ABCA3: variants seen among roughly 807,000 people sequenced by gnomAD.
ABCA3 encodes the protein phospholipid-transporting ATPase ABCA3.
A neutral mutation model predicts 172.8 loss-of-function variants in ABCA3; 88 were observed. The ratio of observed to expected loss-of-function variants is 0.51; its 90% CI spans 0.43 to 0.61. The LOEUF is 0.61. ABCA3 is among the 20% of genes least tolerant of loss of function. ABCA3 has a pLI of 0.00. For synonymous variants in ABCA3, 1,066 were observed against 983.8 expected (o/e 1.08, Z -1.56); for missense variants, 2,164 against 2,301.0 (o/e 0.94, Z 1.22).
chr16:2,286,102 A>G lies in ABCA3; in HGVS notation c.3279-456T>C, dbSNP rs1338259406. 6.6e-6 allele frequency among the ~76,000 whole-genome samples: 1 copy of G among 152,216 alleles called. No homozygotes were observed. Among genetic ancestry groups the G allele is most frequent in the Non-Finnish European group, 1.5e-5 (1 of 68,032 alleles). ...TGGAGCCAGAAGCTGGGACGCAGCC[A>G]TCGCCAGGCCTAGGCCTAGCCTGGA... On this transcript the variant is annotated intron_variant, in intron 22 of 32. Coordinates refer to ENST00000301732, the MANE Select transcript of ABCA3 (RefSeq NM_001089.3). This position sits in a 1 kb window ranked among gnomAD's most constrained non-coding sequence, Gnocchi z 5.2.
Position 2,286,979 on chromosome 16 carries a change from T to C in ABCA3, c.3005-12A>G. ...CTCCTCCAGGTCACCTGGGGAGCAA[T>C]GGCAGAGTCAGGGGACACAGGAAGA... On this transcript the variant is annotated splice_polypyrimidine_tract_variant and intron_variant, in intron 21 of 32. Transcript: ENST00000301732. The surrounding 1 kb of genome is among the most constrained non-coding windows in gnomAD (Gnocchi z 5.2). 6.2e-7 allele frequency: 1 copy of C among 1,611,208 alleles called. No homozygotes were observed. The highest frequency in any genetic ancestry group is 8.5e-7 in the Non-Finnish European group (1 of 1,179,108).
rs141744909 is a variant in ABCA3 at position 2,281,215 on chromosome 16, C to G, written c.4171G>C (p.Glu1391Gln). Residue 1391 changes from glutamate to glutamine, a missense_variant, in exon 28 of 33, where the codon GAG (glutamate) becomes CAG (glutamine). Glu to Gln is a conservative substitution (Grantham distance 29). Around this residue, in one of 3 missense-constraint regions of ABCA3, gnomAD observed 795 missense variants for 881.9 expected, o/e 0.90. Transcript: ENST00000301732. This position sits in a 1 kb window ranked among gnomAD's most constrained non-coding sequence, Gnocchi z 4.7. The stretch of plus-strand genomic sequence containing the variant: ...ACGGCCAGGAGGGGCACCCGCTGCT[C>G]GTACACCTGCAGGCACCCAACAGAA... ...LIIKELSKVY[E>Q]QRVPLLAVDR... is the part of the protein sequence containing the mutation. 1 of 1,613,486 alleles carries G rather than the reference C, an allele frequency of 6.2e-7. No individual in the cohort carries two copies. Among genetic ancestry groups the G allele is most frequent in the Non-Finnish European group, 8.5e-7 (1 of 1,179,954 alleles).
intron 3 of ABCA3, among the ~76,000 whole-genome samples, chr16:2,326,766 T>C (rs2093735094): frequency 6.6e-6 from 1 of 152,062 alleles, no homozygotes; most frequent in Admixed American, 6.5e-5. Context: ...GGCAGGTGGA[T>C]CACTTGAAAT....
chr16:2,306,158 C>T (rs1428124385), intron 11 of ABCA3, among the ~76,000 whole-genome samples: 1 of 151,950 alleles, frequency 6.6e-6, no homozygotes, highest in African/African-American at 2.4e-5. Context: ...TTGAGACCAG[C>T]CTAGGCAACA....
intron 10 of ABCA3, among the ~76,000 whole-genome samples, chr16:2,313,149 T>C (rs563630224): frequency 6.6e-6 from 1 of 152,258 alleles, no homozygotes; most frequent in South Asian, 2.1e-4. Flanking sequence ...AAGTATGGCT[T>C]GGTGTCTTGA....
At position 2,276,245 on chromosome 16, in the gene ABCA3, C is replaced by T. The variant is rs1171876591; in HGVS notation, c.*429G>A. 6 of 454,060 alleles carry T rather than the reference C, an allele frequency of 1.3e-5. No homozygotes were observed. In the East Asian group the frequency reaches 4.2e-4, roughly 31 times the overall value. 28.1% of individuals were successfully genotyped at this position (454,060 alleles called of 1,614,324 possible). A position where few individuals can be genotyped will look rare whatever the true frequency, so the allele number is the denominator to read the frequency against. ...TCCTGGCGGCCTGGGGGCCTCGCTA[C>T]AGTTCAACCTGGCTGGCTTCCCGCT... On this transcript the variant is annotated 3_prime_UTR_variant, in exon 33 of 33. Coordinates refer to ENST00000301732, the MANE Select transcript of ABCA3 (RefSeq NM_001089.3).
intron 10 of ABCA3, among the ~76,000 whole-genome samples, chr16:2,310,555 C>A (rs528669611): frequency 6.7e-6 from 1 of 150,264 alleles, no homozygotes; most frequent in Admixed American, 6.6e-5. Flanking sequence ...CTCATACTAT[C>A]GCCCAGGATG....
At chr16:2,295,304 G>C (rs762277391) in intron 18 of ABCA3, among the ~76,000 whole-genome samples, 5 of 152,234 alleles carry the variant, frequency 3.3e-5, no homozygotes, top group East Asian at 3.9e-4. Context: ...GTGTCAGAAG[G>C]GGGAGTGTGA....
intron 5 of ABCA3, among the ~76,000 whole-genome samples, chr16:2,325,786 G>A (rs1001492409): frequency 3.9e-5 from 6 of 152,156 alleles, no homozygotes; most frequent in South Asian, 2.1e-4. Flanking sequence ...TGGTGCTATC[G>A]GACCCAAAGG....
intron 11 of ABCA3, among the ~76,000 whole-genome samples, chr16:2,304,500 C>CTTTTT (rs34874417): frequency 5.8e-4 from 49 of 84,036 alleles, no homozygotes; most frequent in Middle Eastern, 9.6e-3. Context: ...TAGCATAAGT[C>CTTTTT]TTTTTTTTTT....
At chr16:2,288,658 C>T (rs1287395223) in intron 20 of ABCA3, among the ~76,000 whole-genome samples, 1 of 152,190 alleles carries the variant, frequency 6.6e-6, no homozygotes, top group Admixed American at 6.5e-5. Context: ...TGGGTTCCTA[C>T]CTCAGCCTCC....
intron 14 of ABCA3, 123 bp downstream of exon 14, chr16:2,299,280 C>G: frequency 7.2e-7 from 1 of 1,397,066 alleles, no homozygotes; most frequent in Non-Finnish European, 9.9e-7. Context: ...TGAGGTGCAT[C>G]TCCTGCCGCT....
intron 1 of ABCA3, among the ~76,000 whole-genome samples, 169 bp downstream of exon 1, chr16:2,340,404 G>C (rs1306619398): frequency 1.3e-5 from 2 of 151,342 alleles, no homozygotes; most frequent in Non-Finnish European, 3.0e-5. Flanking sequence ...GGGCGGGCGC[G>C]GGCGCGGCCG....
intron 1 of ABCA3, chr16:2,332,809 A>C: frequency 1.6e-6 from 1 of 615,168 alleles, no homozygotes; most frequent in Admixed American, 3.0e-5. Context: ...CCCAATTCCT[A>C]TGTGCCCTTT....
At position 2,281,941 on chromosome 16, in the gene ABCA3, C is replaced by T. The variant is rs1185782881; in HGVS notation, c.4036-432G>A. ...TGCTTCAGCCTCCCGAGTAGCGCGC[C>T]ACCACGCCCAGCTAATTTTTGTATT... On this transcript the variant is annotated intron_variant, in intron 26 of 32. Transcript: ENST00000301732. The surrounding 1 kb of genome is among the most constrained non-coding windows in gnomAD (Gnocchi z 4.7). Among the ~76,000 whole-genome samples the T allele has an allele frequency of 4.6e-5, 7 of 152,014 alleles. No homozygotes were observed. Among genetic ancestry groups the T allele is most frequent in the Admixed American group, 1.3e-4 (2 of 15,252 alleles).
chr16:2,280,879 T>A (rs1427340669), intron 28 of ABCA3, 148 bp downstream of exon 28: 1 of 1,045,380 alleles, frequency 9.6e-7, no homozygotes, highest in African/African-American at 1.6e-5. Context: ...CATTACCTTG[T>A]CTCGCTGTCC....
At position 2,277,716 on chromosome 16, in the gene ABCA3, A is replaced by T; in HGVS notation, c.4910-46T>A. 6.2e-7 allele frequency: 1 copy of T among 1,610,400 alleles called. No individual in the cohort carries two copies. Among genetic ancestry groups the T allele is most frequent in the South Asian group, 1.1e-5 (1 of 90,810 alleles). On this transcript the variant is annotated intron_variant, in intron 31 of 32. Coordinates refer to ENST00000301732, the MANE Select transcript of ABCA3 (RefSeq NM_001089.3). The surrounding 1 kb of genome is among the most constrained non-coding windows in gnomAD (Gnocchi z 5.3). The stretch of plus-strand genomic sequence containing the variant: ...GTTGCTGTGAGCGCCGGGCTGGAGG[A>T]TCGGGGAGGGTGCCTGGGTGCTCAG...
chr16:2,316,031 A>C (rs2093714862), intron 10 of ABCA3, among the ~76,000 whole-genome samples: 1 of 149,570 alleles, frequency 6.7e-6, no homozygotes, highest in Non-Finnish European at 1.5e-5. Context: ...AACAAAAGTT[A>C]GGAGGTCAGG....
At chr16:2,288,379 C>T in intron 20 of ABCA3, 50 bp from the exon 21 acceptor site, 4 of 1,523,920 alleles carry the variant, frequency 2.6e-6, no homozygotes, top group Non-Finnish European at 3.5e-6. Flanking sequence ...GGGCCCAGCG[C>T]CTGACCCCCA....
Sources: gnomAD v4.1 joint callset for allele counts (sites outside exome capture counted in the v4.1 genomes callset) on GRCh38, gnomAD v4.1.1 for gene constraint, gnomAD v4.1.1 regional missense constraint, Gnocchi (gnomAD v3.1) non-coding constraint, MANE v1.5 for transcripts, NCBI Gene and HGNC (gene_info 2026-07-23, HGNC 2026-07-21) for gene names.